The following IL1RAPL1 variants were observed in gnomAD, a reference collection of about 807,000 sequenced individuals.
IL1RAPL1 encodes the protein interleukin-1 receptor accessory protein-like 1.
IL1RAPL1 carries 3 observed loss-of-function variants against 48.4 expected under a neutral mutation model. That is an observed-to-expected ratio of 0.06 (90% CI 0.03 to 0.16). IL1RAPL1 has a LOEUF of 0.16. Among genes scored for constraint, IL1RAPL1 ranks in the 10% least tolerant of loss-of-function variants. The pLI is 1.00. For missense variants in IL1RAPL1, 349 were observed against 530.6 expected (o/e 0.66, Z 3.36); for synonymous variants, 185 against 187.7 (o/e 0.99, Z 0.12).
chrX:29,097,319 T>A (rs1161102572), intron 2 of IL1RAPL1, among the ~76,000 whole-genome samples: 1 of 111,941 alleles, frequency 8.9e-6, no homozygotes, highest in Admixed American at 9.5e-5. Flanking sequence ...TTTTATCAGT[T>A]AATTATACGC....
At chrX:29,200,418 A>G (rs1930532457) in intron 2 of IL1RAPL1, among the ~76,000 whole-genome samples, 2 of 111,900 alleles carry the variant, frequency 1.8e-5, no homozygotes, top group Non-Finnish European at 3.8e-5. Context: ...ATTTGAAACC[A>G]TAGAATGATC....
intron 2 of IL1RAPL1, among the ~76,000 whole-genome samples, chrX:29,085,113 G>C (rs1204080297): frequency 8.9e-6 from 1 of 111,955 alleles, no homozygotes; most frequent in African/African-American, 3.2e-5. Context: ...AATTCTATTA[G>C]AATAGACTAA....
intron 6 of IL1RAPL1, among the ~76,000 whole-genome samples, chrX:29,798,226 T>C (rs1266897497): frequency 8.9e-6 from 1 of 112,220 alleles, no homozygotes; most frequent in Non-Finnish European, 1.9e-5. Flanking sequence ...GATCTCTGTA[T>C]TATTTAATTT....
At chrX:29,059,409 A>G (rs5943592) in intron 2 of IL1RAPL1, among the ~76,000 whole-genome samples, 15,276 of 111,684 alleles carry the variant, frequency 0.14, 1,008 homozygotes, top group Non-Finnish European at 0.2. Context: ...TTCAGAATAA[A>G]AGAAACTATC....
chrX:28,805,542 C>G (rs1936720678), intron 2 of IL1RAPL1, among the ~76,000 whole-genome samples: 1 of 110,975 alleles, frequency 9.0e-6, no homozygotes, highest in Non-Finnish European at 1.9e-5. Flanking sequence ...TGAAGAACTT[C>G]AAGTTAACAC....
chrX:29,884,601 G>A (rs1193264746), intron 6 of IL1RAPL1, among the ~76,000 whole-genome samples: 2 of 111,202 alleles, frequency 1.8e-5, no homozygotes, highest in African/African-American at 6.6e-5. Flanking sequence ...CTATATGCCA[G>A]TGCCTCCTTA....
chrX:29,281,686 G>T (rs1932204230), intron 2 of IL1RAPL1, among the ~76,000 whole-genome samples: 1 of 111,634 alleles, frequency 9.0e-6, no homozygotes, highest in African/African-American at 3.3e-5. Context: ...GTATCAGTTT[G>T]GGTCCAGTTA....
intron 2 of IL1RAPL1, among the ~76,000 whole-genome samples, chrX:29,113,129 A>C (rs1434062163): frequency 9.0e-6 from 1 of 111,597 alleles, no homozygotes; most frequent in African/African-American, 3.3e-5. Flanking sequence ...AACTTCTTAA[A>C]CACCTTGTTT....
intron 1 of IL1RAPL1, among the ~76,000 whole-genome samples, chrX:28,673,276 G>T (rs1934964661): frequency 8.9e-6 from 1 of 111,798 alleles, no homozygotes; most frequent in Non-Finnish European, 1.9e-5. Flanking sequence ...ATGGTGCTGG[G>T]ATAACTGGCT....
intron 3 of IL1RAPL1, among the ~76,000 whole-genome samples, chrX:29,293,844 T>A (rs766238164): frequency 2.4e-4 from 27 of 111,366 alleles, no homozygotes; most frequent in Non-Finnish European, 3.6e-4. Flanking sequence ...CCAAAAAAAA[T>A]AAAATGTTAA....
intron 2 of IL1RAPL1, among the ~76,000 whole-genome samples, chrX:29,165,274 G>A (rs1473390192): frequency 5.4e-5 from 6 of 111,532 alleles, no homozygotes; most frequent in African/African-American, 1.6e-4. Flanking sequence ...AGCGGAGATC[G>A]CGCCATTACA....
chrX:29,068,414 T>C, intron 2 of IL1RAPL1, among the ~76,000 whole-genome samples: 1 of 112,225 alleles, frequency 8.9e-6, no homozygotes, highest in African/African-American at 3.2e-5. Context: ...AGCACACAAA[T>C]AGGATACATT....
chrX:29,325,607 A>G (rs1316015553), intron 3 of IL1RAPL1, among the ~76,000 whole-genome samples: 1 of 112,436 alleles, frequency 8.9e-6, no homozygotes, highest in African/African-American at 3.2e-5. Flanking sequence ...TTAAATGCCT[A>G]TTTGGCTACT....
chrX:29,472,542 AT>A (rs1284049946), intron 5 of IL1RAPL1, among the ~76,000 whole-genome samples: 1 of 111,682 alleles, frequency 9.0e-6, no homozygotes, highest in South Asian at 3.8e-4. Context: ...ACCATCTTAC[AT>A]TTTTTTATTT....
chrX:29,565,116 TA>T (rs1029294585), intron 5 of IL1RAPL1, among the ~76,000 whole-genome samples: 3 of 112,087 alleles, frequency 2.7e-5, no homozygotes, highest in Non-Finnish European at 5.6e-5. Context: ...GTGACATGAC[TA>T]AATAAAGAAA....
At chrX:29,616,246 G>C (rs1224894783) in intron 5 of IL1RAPL1, among the ~76,000 whole-genome samples, 2 of 110,853 alleles carry the variant, frequency 1.8e-5, no homozygotes, top group Admixed American at 1.9e-4. Context: ...TTCATTCTGG[G>C]TCACTTTAGA....
intron 2 of IL1RAPL1, among the ~76,000 whole-genome samples, chrX:28,898,990 C>T (rs1923004597): frequency 9.0e-6 from 1 of 111,226 alleles, no homozygotes; most frequent in African/African-American, 3.3e-5. Flanking sequence ...AAAGAACTGG[C>T]TGAGACTGGG....
rs1932697487 is a variant in IL1RAPL1 at position 29,310,128 on chromosome X, AAGAAAGGAAAAAAAAAAAAAC to A, written c.362+26913_362+26933del. Reference sequence around the variant, plus strand: ...AAAAAAAAAAAAAAAAAAAAAAAAAAAGAAAGGAAAAAAAAAAAAACAAAAAAAGGGTAAGTCGGGAGCTTA... The same window carrying A: ...AAAAAAAAAAAAAAAAAAAAAAAAAAAAAAAAAGGGTAAGTCGGGAGCTTA... On this transcript the variant is annotated intron_variant, in intron 3 of 10. Coordinates refer to ENST00000378993, the MANE Select transcript of IL1RAPL1 (RefSeq NM_014271.4). 1.3e-3 allele frequency among the ~76,000 whole-genome samples: 75 copies of A among 58,828 alleles called. 2 individuals carry two copies. The highest frequency in any genetic ancestry group is 2.0e-3 in the African/African-American group (31 of 15,238). The allele number at this position is 58,828 out of a possible 115,157, so 51.1% of individuals were successfully genotyped here.
intron 2 of IL1RAPL1, among the ~76,000 whole-genome samples, chrX:28,792,337 T>A (rs1169361324): frequency 9.0e-6 from 1 of 111,390 alleles, no homozygotes; most frequent in African/African-American, 3.3e-5. Flanking sequence ...TACTTTAGAT[T>A]AACACATATG....
Sources: allele counts gnomAD v4.1 joint callset (sites outside exome capture counted in the v4.1 genomes callset), GRCh38; gene constraint gnomAD v4.1.1; transcripts MANE v1.5; gene names NCBI Gene and HGNC (gene_info 2026-07-23, HGNC 2026-07-21).